Variants in RYR2 observed in about 807,000 individuals in gnomAD.
The protein encoded by RYR2 is cardiac muscle ryanodine receptor-calcium release channel.
A neutral mutation model predicts 601.1 loss-of-function variants in RYR2; 227 were observed. The ratio of observed to expected loss-of-function variants is 0.38; its 90% CI spans 0.34 to 0.42. RYR2 has a LOEUF of 0.42. Ranked by LOEUF, RYR2 falls within the 10% of genes least tolerant of loss-of-function variation. RYR2 has a pLI of 1.00. For synonymous variants in RYR2, 2,223 were observed against 2,175.1 expected, an observed-to-expected ratio of 1.02 and a Z score of -0.61; for missense variants, 4,646 against 6,156.5, an observed-to-expected ratio of 0.75 and a Z score of 8.21.
intron 12 of RYR2, among the ~76,000 whole-genome samples, chr1:237,439,903 G>T (rs1475407600): frequency 2.0e-5 from 3 of 151,908 alleles, no homozygotes; most frequent in Non-Finnish European, 4.4e-5. Flanking sequence ...TTTTATCACA[G>T]AATTTAATTT....
chr1:237,586,945 G>T (rs2618710), intron 29 of RYR2, among the ~76,000 whole-genome samples: 10 of 151,626 alleles, frequency 6.6e-5, no homozygotes, highest in African/African-American at 2.2e-4. Flanking sequence ...TCTTGAACTT[G>T]TGGCCTCAAG....
chr1:237,401,665 G>A lies in RYR2; in HGVS notation c.773+13482G>A, dbSNP rs765091441. ...TTCCTTGAGCTTCAGTGCCCAGAAT[G>A]TTTGAGTGCAGTTTTATTATGTAAG... On this transcript the variant is annotated intron_variant, in intron 10 of 104. Coordinates refer to ENST00000366574, the MANE Select transcript of RYR2 (RefSeq NM_001035.3). Among the ~76,000 whole-genome samples the A allele has an allele frequency of 8.5e-5, 13 of 152,154 alleles. 1 individual carries two copies. Among genetic ancestry groups the A allele is most frequent in the Non-Finnish European group, 1.5e-4 (10 of 68,028 alleles).
chr1:237,291,544 C>T (rs1379213200), intron 2 of RYR2, among the ~76,000 whole-genome samples: 1 of 152,078 alleles, frequency 6.6e-6, no homozygotes, highest in Admixed American at 6.6e-5. Context: ...CCAAGATGTC[C>T]ATCAGTAGGT....
intron 92 of RYR2, among the ~76,000 whole-genome samples, chr1:237,790,808 G>A (rs554952341): frequency 2.5e-3 from 378 of 152,128 alleles, no homozygotes; most frequent in African/African-American, 8.4e-3. Context: ...ATGAGGCCTC[G>A]GAGGTTGTAA....
rs1032267740 is a variant in RYR2, at chr1:237,595,349, G to A, written c.4437-149G>A. On this transcript the variant is annotated intron_variant, in intron 33 of 104. Transcript: ENST00000366574. ...ACTGCAGTCAATGGAGTTTTGCTCA[G>A]AATCACAGAATCGGGCCTATTGTGC... The A allele has an allele frequency of 1.3e-5, 11 of 841,910 alleles. No individual in the cohort carries two copies. In the Admixed American group the frequency reaches 2.0e-4, roughly 15 times the overall value. 52.2% of individuals were successfully genotyped at this position (841,910 alleles called of 1,614,324 possible). A position where few individuals can be genotyped will look rare whatever the true frequency, so the allele number is the denominator to read the frequency against.
At position 237,717,204 on chromosome 1, in the gene RYR2, G is replaced by A. The variant is rs747650055; in HGVS notation, c.10330G>A (p.Val3444Ile). Reference sequence around the variant, plus strand: ...ACTTCTCTTTGTTCCATAGGCAGCTGTTTCTGATCAGGAAAGGAAGAAAAT... The same window carrying A: ...ACTTCTCTTTGTTCCATAGGCAGCTATTTCTGATCAGGAAAGGAAGAAAAT... Reference protein sequence around the residue: ...DTKSKMSKAAVSDQERKKMKR... With the variant: ...DTKSKMSKAAISDQERKKMKR... The change falls in exon 72 of 105, where the codon GTT (valine) becomes ATT (isoleucine). Residue 3444 changes from valine to isoleucine, a missense_variant. By Grantham distance (29) the Val-to-Ile change is conservative. Transcript: ENST00000366574. 6.2e-7 allele frequency: 1 copy of A among 1,613,430 alleles called. No homozygotes were observed.
chr1:237,512,433 T>G (rs1666006691), intron 24 of RYR2, among the ~76,000 whole-genome samples: 1 of 152,252 alleles, frequency 6.6e-6, no homozygotes, highest in Non-Finnish European at 1.5e-5. Flanking sequence ...TAAAATTTTT[T>G]GCTGATGGAC....
intron 29 of RYR2, among the ~76,000 whole-genome samples, chr1:237,575,027 C>T (rs181392823): frequency 3.9e-5 from 6 of 152,234 alleles, no homozygotes; most frequent in Non-Finnish European, 5.9e-5. Context: ...TAGGTTCAAC[C>T]GAACCTTCAG....
At chr1:237,111,590 T>TAA (rs71178394) in intron 1 of RYR2, among the ~76,000 whole-genome samples, 45 of 119,958 alleles carry the variant, frequency 3.8e-4, no homozygotes, top group African/African-American at 9.7e-4. Context: ...TCCGTCTCTT[T>TAA]AAAAAAAAAA....
Position 237,819,340 on chromosome 1 carries a change from A to G in RYR2, c.14590+148A>G, listed in dbSNP as rs564273687. The G allele has an allele frequency of 6.0e-4, 438 of 734,914 alleles. 5 individuals carry two copies. The South Asian group carries it at 7.4e-3, about 12-fold the overall frequency. 45.5% of individuals were successfully genotyped at this position (734,914 alleles called of 1,614,324 possible). The stretch of plus-strand genomic sequence containing the variant: ...CCTTCCAGTATTTCTTCATCATGCA[A>G]TCTACCGGGGGAAATATAAAGCGGT... On this transcript the variant is annotated intron_variant, in intron 101 of 104. Coordinates refer to ENST00000366574, the MANE Select transcript of RYR2 (RefSeq NM_001035.3). The surrounding 1 kb of genome is among the most constrained non-coding windows in gnomAD (Gnocchi z 4.0).
intron 1 of RYR2, among the ~76,000 whole-genome samples, chr1:237,097,389 A>G (rs1250479401): frequency 6.6e-6 from 1 of 152,208 alleles, no homozygotes; most frequent in African/African-American, 2.4e-5. Context: ...TTAATTTTTA[A>G]TAAGGAAGTG....
intron 2 of RYR2, among the ~76,000 whole-genome samples, chr1:237,292,084 A>G (rs1487075360): frequency 1.3e-5 from 2 of 152,208 alleles, no homozygotes; most frequent in Non-Finnish European, 2.9e-5. Flanking sequence ...TGCTGTAAAA[A>G]AATAAATTCT....
intron 23 of RYR2, among the ~76,000 whole-genome samples, chr1:237,509,823 A>T (rs766482415): frequency 3.3e-5 from 5 of 152,282 alleles, no homozygotes; most frequent in South Asian, 2.1e-4. Context: ...TGTGTACAAG[A>T]TAGCTGGCAA....
chr1:237,234,583 A>G (rs16835018), intron 1 of RYR2, among the ~76,000 whole-genome samples: 1,923 of 152,290 alleles, frequency 0.013, 52 homozygotes, highest in African/African-American at 0.044. Flanking sequence ...TAACTGAGGG[A>G]ATGAGTTAAA....
intron 12 of RYR2, among the ~76,000 whole-genome samples, chr1:237,436,861 C>A (rs1446412414): frequency 6.7e-6 from 1 of 148,316 alleles, no homozygotes; most frequent in Non-Finnish European, 1.5e-5. Flanking sequence ...TTTACTGAGT[C>A]TAGTTTTATA....
chr1:237,504,082 G>A (rs1029258004), intron 22 of RYR2, among the ~76,000 whole-genome samples: 2 of 152,090 alleles, frequency 1.3e-5, no homozygotes, highest in African/African-American at 2.4e-5. Context: ...TACAACCTGA[G>A]GTGTTAAAAA....
intron 1 of RYR2, among the ~76,000 whole-genome samples, chr1:237,128,023 C>G (rs1201681180): frequency 3.3e-5 from 5 of 152,200 alleles, no homozygotes; most frequent in African/African-American, 1.2e-4. Flanking sequence ...CTTTGGGAGG[C>G]CAAGGCAGGC....
At position 237,556,756 on chromosome 1, in the gene RYR2, G is replaced by A. The variant is rs573758996; in HGVS notation, c.3214+6065G>A. 3.9e-5 allele frequency among the ~76,000 whole-genome samples: 6 copies of A among 151,968 alleles called. No homozygotes were observed. The South Asian group carries it at 1.3e-3, about 32-fold the overall frequency. ...TTGCTACCACTACCATACAATGAAA[G>A]TGTTAAGCTGAAGAGTCATAACACA... is the stretch of plus-strand genomic sequence containing the variant. On this transcript the variant is annotated intron_variant, in intron 27 of 104. Transcript: ENST00000366574.
chr1:237,527,139 G>A (rs1328697231), intron 24 of RYR2, among the ~76,000 whole-genome samples: 1 of 152,080 alleles, frequency 6.6e-6, no homozygotes, highest in Non-Finnish European at 1.5e-5. Flanking sequence ...TTTGGGTTCT[G>A]TATTCCATTC....
Sources: gnomAD v4.1 joint callset for allele counts (sites outside exome capture counted in the v4.1 genomes callset) on GRCh38, gnomAD v4.1.1 for gene constraint, Gnocchi (gnomAD v3.1) non-coding constraint, MANE v1.5 for transcripts, NCBI Gene and HGNC (gene_info 2026-07-23, HGNC 2026-07-21) for gene names.